The following AK5 variants were observed in gnomAD, a reference collection of about 807,000 sequenced individuals.
The protein encoded by AK5 is adenylate kinase isoenzyme 5.
In AK5, 27 loss-of-function variants were observed where a neutral mutation model predicts 69.5. The observed-to-expected ratio is 0.39, with a 90% CI of 0.29 to 0.54. The LOEUF (loss-of-function observed/expected upper bound fraction) is 0.54, where lower values mean the gene tolerates loss of function less well. AK5 is among the 20% of genes least tolerant of loss of function. The pLI, the probability that AK5 is intolerant of heterozygous loss-of-function variation, is 0.71. For synonymous variants in AK5, 260 were observed against 244.4 expected, an observed-to-expected ratio of 1.06 and a Z score of -0.60; for missense variants, 531 against 700.4, an observed-to-expected ratio of 0.76 and a Z score of 2.73.
intron 6 of AK5, among the ~76,000 whole-genome samples, chr1:77,368,253 A>ATGTTATAT (rs1553140304): frequency 2.6e-5 from 1 of 38,668 alleles, no homozygotes; most frequent in African/African-American, 5.4e-5. Context: ...ATATATATAT[A>ATGTTATAT]ATATATATGT....
intron 10 of AK5, among the ~76,000 whole-genome samples, chr1:77,489,597 T>A (rs768073691): frequency 3.9e-5 from 6 of 152,224 alleles, no homozygotes; most frequent in Non-Finnish European, 8.8e-5. Context: ...TTTTGTCTAT[T>A]TGAGAAGATG....
intron 8 of AK5, among the ~76,000 whole-genome samples, chr1:77,441,737 G>A (rs1652338759): frequency 6.6e-6 from 1 of 152,308 alleles, no homozygotes; most frequent in African/African-American, 2.4e-5. Flanking sequence ...TTGATGTCAG[G>A]TCTGACACAG....
intron 12 of AK5, among the ~76,000 whole-genome samples, chr1:77,524,477 G>T (rs749637253): frequency 1.3e-5 from 2 of 152,122 alleles, no homozygotes; most frequent in Non-Finnish European, 2.9e-5. Context: ...GGGTTTTTTT[G>T]ATAGTGGCCA....
intron 6 of AK5, among the ~76,000 whole-genome samples, chr1:77,386,587 A>G (rs1164214014): frequency 1.3e-5 from 2 of 152,182 alleles, no homozygotes; most frequent in African/African-American, 4.8e-5. Context: ...TGAAGATACC[A>G]TGTCAGGGGA....
chr1:77,336,696 A>G (rs1025637486), intron 5 of AK5, among the ~76,000 whole-genome samples: 1 of 152,022 alleles, frequency 6.6e-6, no homozygotes, highest in Non-Finnish European at 1.5e-5. Context: ...ATTGCTCATT[A>G]ACTAACTTTT....
chr1:77,400,218 C>T (rs1476740123), intron 6 of AK5, among the ~76,000 whole-genome samples: 1 of 152,138 alleles, frequency 6.6e-6, no homozygotes, highest in Non-Finnish European at 1.5e-5. Flanking sequence ...TGCAAGTGCC[C>T]AGCTAAGATC....
intron 8 of AK5, among the ~76,000 whole-genome samples, chr1:77,482,934 C>G (rs1330401394): frequency 7.2e-6 from 1 of 138,264 alleles, no homozygotes; most frequent in East Asian, 2.1e-4. Context: ...GCTTCTGATA[C>G]CAAAGGATTT....
At chr1:77,522,452 G>A (rs961796977) in intron 12 of AK5, among the ~76,000 whole-genome samples, 1 of 152,072 alleles carries the variant, frequency 6.6e-6, no homozygotes, top group African/African-American at 2.4e-5. Context: ...AAGGGAGGAG[G>A]GAGCAAGGGC....
intron 12 of AK5, among the ~76,000 whole-genome samples, chr1:77,524,079 C>G (rs535139382): frequency 6.6e-6 from 1 of 152,328 alleles, no homozygotes; most frequent in African/African-American, 2.4e-5. Context: ...AAAATGTCCA[C>G]AAGGTTCATT....
chr1:77,334,151 C>T (rs937150719), intron 5 of AK5, among the ~76,000 whole-genome samples: 7 of 151,916 alleles, frequency 4.6e-5, no homozygotes, highest in African/African-American at 1.7e-4. Flanking sequence ...ATGACAAATT[C>T]TCTCAGTTTT....
chr1:77,531,793 C>T (rs532736850), intron 12 of AK5, among the ~76,000 whole-genome samples: 9 of 115,472 alleles, frequency 7.8e-5, no homozygotes, highest in African/African-American at 2.3e-4. Flanking sequence ...GACTGGGCGC[C>T]GTGGAGCAGG....
At chr1:77,490,006 TC>T (rs773791713) in intron 10 of AK5, among the ~76,000 whole-genome samples, 1 of 152,204 alleles carries the variant, frequency 6.6e-6, no homozygotes, top group Non-Finnish European at 1.5e-5. Flanking sequence ...CCATCCTTCC[TC>T]CTCTGCGCTC....
intron 2 of AK5, among the ~76,000 whole-genome samples, chr1:77,289,412 C>T (rs1471221351): frequency 6.6e-6 from 1 of 152,124 alleles, no homozygotes; most frequent in East Asian, 1.9e-4. Flanking sequence ...TAATGTCTGG[C>T]TCCCTGTTAA....
At chr1:77,376,222 T>C (rs1647230200) in intron 6 of AK5, among the ~76,000 whole-genome samples, 1 of 152,040 alleles carries the variant, frequency 6.6e-6, no homozygotes, top group South Asian at 2.1e-4. Context: ...AACATGACAG[T>C]AATTTGATTT....
chr1:77,557,641 C>T (rs1660176790), intron 13 of AK5, among the ~76,000 whole-genome samples: 1 of 152,084 alleles, frequency 6.6e-6, no homozygotes, highest in African/African-American at 2.4e-5. Context: ...CTTTTGCTTT[C>T]TTCTCCACAT....
intron 8 of AK5, among the ~76,000 whole-genome samples, chr1:77,425,043 T>C (rs1343647842): frequency 6.6e-6 from 1 of 152,208 alleles, no homozygotes; most frequent in African/African-American, 2.4e-5. Context: ...TTACCTGTAG[T>C]AGAGCGAAGA....
rs897109529 is a variant in AK5, at chr1:77,306,798, G to A, written c.699+8851G>A. On this transcript the variant is annotated intron_variant, in intron 5 of 13. Transcript: ENST00000354567. The stretch of plus-strand genomic sequence containing the variant: ...TTGTTACTTGTTACTGGTCTGTTCA[G>A]GTTTGGGATTTCTTCTTGATAAGTG... Among the ~76,000 whole-genome samples, 6 of 152,000 alleles carry A rather than the reference G, an allele frequency of 3.9e-5. No individual in the cohort carries two copies. The South Asian group carries it at 1.2e-3, about 32-fold the overall frequency.
At chr1:77,343,044 A>G (rs1436740998) in intron 6 of AK5, among the ~76,000 whole-genome samples, 2 of 152,176 alleles carry the variant, frequency 1.3e-5, no homozygotes, top group African/African-American at 4.8e-5. Flanking sequence ...AAATGAACAG[A>G]GCTTGCAGTG....
chr1:77,302,893 C>T (rs778145036), intron 5 of AK5, among the ~76,000 whole-genome samples: 11 of 152,144 alleles, frequency 7.2e-5, no homozygotes, highest in Non-Finnish European at 1.3e-4. Flanking sequence ...CAAGTTATCA[C>T]AGTAATAATG....
Sources: allele counts gnomAD v4.1 joint callset (sites outside exome capture counted in the v4.1 genomes callset), GRCh38; gene constraint gnomAD v4.1.1; transcripts MANE v1.5; gene names NCBI Gene and HGNC (gene_info 2026-07-23, HGNC 2026-07-21).